Variants in PFKFB1 observed in about 807,000 individuals in gnomAD.
PFKFB1 encodes 6-phosphofructo-2-kinase/fructose-2,6-bisphosphatase 1.
In PFKFB1, 34 loss-of-function variants were observed where a neutral mutation model predicts 46.4. That is an observed-to-expected ratio of 0.73 (90% CI 0.56 to 0.98). The LOEUF (loss-of-function observed/expected upper bound fraction) is 0.98, where lower values mean the gene tolerates loss of function less well. Ranked by LOEUF, PFKFB1 falls within the 50% of genes least tolerant of loss-of-function variation. The pLI, the probability that PFKFB1 is intolerant of heterozygous loss-of-function variation, is 0.00. For synonymous variants in PFKFB1, 119 were observed against 133.8 expected, an observed-to-expected ratio of 0.89 and a Z score of 0.76; for missense variants, 393 against 376.3, an observed-to-expected ratio of 1.04 and a Z score of -0.37.
In PFKFB1 at chrX:54,937,744, T is replaced by C. The variant is rs1186556399; in HGVS notation, c.1099-20A>G. 3 of 1,193,269 alleles carry C rather than the reference T, an allele frequency of 2.5e-6. No homozygotes were observed. The highest frequency in any genetic ancestry group is 6.0e-5 in the East Asian group (2 of 33,582). On this transcript the variant is annotated intron_variant, in intron 10 of 13. Transcript: ENST00000375006. ...ATAGGACTAAACGTAAGAGAGATACTTGAGTGAGAAAGGAAGATGAGGCAC... is the reference window on the plus strand; with the variant it reads ...ATAGGACTAAACGTAAGAGAGATACCTGAGTGAGAAAGGAAGATGAGGCAC...
At chrX:54,955,146 G>A (rs1283996978) in intron 7 of PFKFB1, among the ~76,000 whole-genome samples, 2 of 111,914 alleles carry the variant, frequency 1.8e-5, no homozygotes, top group African/African-American at 6.5e-5. Context: ...TGAACAATCT[G>A]CACAACTGGG....
At chrX:54,942,288 A>C (rs190549483) in intron 10 of PFKFB1, among the ~76,000 whole-genome samples, 48 of 111,420 alleles carry the variant, frequency 4.3e-4, no homozygotes, top group African/African-American at 1.5e-3. Context: ...GATATACCTA[A>C]TGTAAATGAC....
chrX:54,969,329 C>G (rs950963518), intron 1 of PFKFB1, among the ~76,000 whole-genome samples: 1 of 111,395 alleles, frequency 9.0e-6, no homozygotes, highest in Non-Finnish European at 1.9e-5. Context: ...AAGTTTGGCC[C>G]CCACACTCGC....
intron 7 of PFKFB1, among the ~76,000 whole-genome samples, 177 bp downstream of exon 7, chrX:54,955,976 A>C (rs1411432792): frequency 1.8e-5 from 2 of 112,283 alleles, no homozygotes; most frequent in African/African-American, 6.5e-5. Context: ...GGAACACCTT[A>C]CACATCAAGG....
At chrX:54,952,397 G>C (rs1291066045) in intron 7 of PFKFB1, among the ~76,000 whole-genome samples, 4 of 111,428 alleles carry the variant, frequency 3.6e-5, no homozygotes, top group Non-Finnish European at 5.6e-5. Flanking sequence ...GTTACAGGCA[G>C]CTGGGTTCTC....
chrX:54,948,952 G>T, intron 9 of PFKFB1, 123 bp downstream of exon 9: 1 of 755,412 alleles, frequency 1.3e-6, no homozygotes, highest in Non-Finnish European at 2.0e-6. Flanking sequence ...CACATGGCTA[G>T]TTGTCAAAAA....
intron 1 of PFKFB1, among the ~76,000 whole-genome samples, chrX:54,978,389 G>A (rs1380906702): frequency 1.8e-5 from 2 of 111,493 alleles, no homozygotes; most frequent in Non-Finnish European, 3.8e-5. Context: ...AAGGGAAGCA[G>A]AAAATCATCA....
rs745575470 is a variant in PFKFB1, at chrX:54,937,723, G to C, written c.1100C>G (p.Ser367Cys). The C allele has an allele frequency of 2.8e-5, 34 of 1,205,325 alleles. No homozygotes were observed. Among genetic ancestry groups the C allele is most frequent in the Non-Finnish European group, 3.8e-5 (34 of 891,877 alleles). ...KYRYRYPKGE[S>C]YEDLVQRLEP... ...CAGACGCTGAACCAGATCCTCATAG[G>C]ACTAAACGTAAGAGAGATACTTGAG... Residue 367 changes from serine (S) to cysteine (C), a missense_variant and splice_region_variant, in exon 11 of 14, where the codon TCC (serine) becomes TGC (cysteine). By Grantham distance (112) the Ser-to-Cys change is moderately radical (BLOSUM62 -1). Transcript: ENST00000375006.
intron 7 of PFKFB1, among the ~76,000 whole-genome samples, chrX:54,954,157 T>C (rs766008958): frequency 1.8e-5 from 2 of 112,209 alleles, no homozygotes; most frequent in South Asian, 7.4e-4. Context: ...TCCCAAGTTC[T>C]GGTTTTATAT....
Position 54,960,850 on chromosome X carries a change from G to A in PFKFB1, c.291C>T (p.Asp97=), listed in dbSNP as rs749810752. The A allele has an allele frequency of 6.7e-5, 80 of 1,185,945 alleles. No homozygotes were observed. Among genetic ancestry groups the A allele is most frequent in the Non-Finnish European group, 8.8e-5 (77 of 876,572 alleles). The change falls in exon 3 of 14, where the codon GAC becomes GAT. Residue 97 remains aspartate, a synonymous_variant. Coordinates refer to ENST00000375006, the MANE Select transcript of PFKFB1 (RefSeq NM_002625.4). Reference sequence around the variant, plus strand: ...TCCTGATTTGCAGGGCTTCCATGTTGTCTGGAAGAAAGAATTCATAGTTCT... The same window carrying A: ...TCCTGATTTGCAGGGCTTCCATGTTATCTGGAAGAAAGAATTCATAGTTCT... ...SYKNYEFFLP[D]NMEALQIRKQ...
In PFKFB1 at chrX:54,951,985, G is replaced by A. The variant is rs1401160015; in HGVS notation, c.766C>T (p.Leu256Phe). The change falls in exon 8 of 14, where the codon CTT becomes TTT. Residue 256 changes from leucine (L) to phenylalanine (F), a missense_variant. Leu to Phe is a conservative substitution (Grantham distance 22). Transcript: ENST00000375006. ...NIHVTPRSIY[L>F]CRHGESELNI... ...AGTTCACTCTCGCCATGTCGGCAAA[G>A]GTAGATGGAGCGAGGTGTGACATGG... 5.0e-6 allele frequency: 6 copies of A among 1,209,687 alleles called. No individual in the cohort carries two copies. The highest frequency in any genetic ancestry group is 6.7e-6 in the Non-Finnish European group (6 of 894,748).
intron 10 of PFKFB1, among the ~76,000 whole-genome samples, chrX:54,942,049 A>G (rs1050818223): frequency 1.8e-5 from 2 of 112,363 alleles, no homozygotes; most frequent in African/African-American, 6.5e-5. Context: ...TACACCATGA[A>G]ATACTATGCA....
intron 7 of PFKFB1, among the ~76,000 whole-genome samples, chrX:54,953,058 T>C (rs1414399333): frequency 8.9e-6 from 1 of 111,823 alleles, no homozygotes; most frequent in Non-Finnish European, 1.9e-5. Context: ...GGGTGGAGTA[T>C]AGGCACTGAC....
intron 7 of PFKFB1, 91 bp downstream of exon 7, chrX:54,956,062 C>G: frequency 1.8e-6 from 1 of 542,573 alleles, no homozygotes; most frequent in Non-Finnish European, 3.0e-6. Flanking sequence ...GAAGTTGAGG[C>G]CCAGCAAGGG....
At chrX:54,949,269 G>A (rs1455000005) in intron 8 of PFKFB1, 48 bp from the exon 9 acceptor site, 8 of 1,079,125 alleles carry the variant, frequency 7.4e-6, no homozygotes, top group Non-Finnish European at 1.0e-5. Context: ...AAGGAGAGGT[G>A]AGAGAGAGCA....
Position 54,933,031 on chromosome X carries a change from A to C in PFKFB1, c.*372T>G. On this transcript the variant is annotated 3_prime_UTR_variant, in exon 14 of 14. Coordinates refer to ENST00000375006, the MANE Select transcript of PFKFB1 (RefSeq NM_002625.4). ...CTTCTCCCCCATCTTTGGAGGTGCT[A>C]CTGTAGAACTTTTCCCTCCAGGAAA... 1 of 168,383 alleles carries C rather than the reference A, an allele frequency of 5.9e-6. No individual in the cohort carries two copies. The highest frequency in any genetic ancestry group is 1.1e-5 in the Non-Finnish European group (1 of 88,674). The allele number at this position is 168,383 out of a possible 1,213,427, so 13.9% of individuals were successfully genotyped here.
At chrX:54,981,656 G>T (rs746920667) in intron 1 of PFKFB1, among the ~76,000 whole-genome samples, 10 of 111,562 alleles carry the variant, frequency 9.0e-5, no homozygotes, top group South Asian at 3.7e-4. Flanking sequence ...AAGTAAAATG[G>T]TAAACATGTG....
At chrX:54,957,640 C>T (rs1934189504) in intron 6 of PFKFB1, among the ~76,000 whole-genome samples, 1 of 111,387 alleles carries the variant, frequency 9.0e-6, no homozygotes, top group Admixed American at 9.6e-5. Flanking sequence ...CAGATTCCAG[C>T]TTGACTGGAC....
intron 13 of PFKFB1, 42 bp downstream of exon 13, chrX:54,933,779 C>CTG (rs766472480): frequency 9.0e-6 from 10 of 1,115,138 alleles, no homozygotes; most frequent in Non-Finnish European, 1.1e-5. Context: ...TCACCATGTG[C>CTG]TGTGTCCACA....
Sources: gnomAD v4.1 joint callset for allele counts (sites outside exome capture counted in the v4.1 genomes callset) on GRCh38, gnomAD v4.1.1 for gene constraint, MANE v1.5 for transcripts, NCBI Gene and HGNC (gene_info 2026-07-23, HGNC 2026-07-21) for gene names.